NKPD1: variants seen among roughly 807,000 people sequenced by gnomAD.
The protein encoded by NKPD1 is NTPase KAP family P-loop domain containing 1.
NKPD1 carries 37 observed loss-of-function variants against 42.2 expected under a neutral mutation model. The ratio of observed to expected loss-of-function variants is 0.88; its 90% CI spans 0.67 to 1.15. The LOEUF is 1.15. NKPD1 is among the 50% of genes most tolerant of loss of function. The pLI, the probability that NKPD1 is intolerant of heterozygous loss-of-function variation, is 0.00. For synonymous variants in NKPD1, 552 were observed against 536.5 expected, an observed-to-expected ratio of 1.03 and a Z score of -0.40; for missense variants, 1,113 against 1,174.6, an observed-to-expected ratio of 0.95 and a Z score of 0.77.
At chr19:45,153,923 A>G (rs1001634860) in intron 4 of NKPD1, 148 bp from the exon 5 acceptor site, 3 of 774,958 alleles carry the variant, frequency 3.9e-6, no homozygotes, top group East Asian at 3.3e-5. Flanking sequence ...CGCTCCTTAA[A>G]GAGCTGGAAG....
rs1024381499 is a variant in NKPD1, at chr19:45,158,757, G to A, written c.435C>T (p.Ser145=). The A allele has an allele frequency of 6.3e-5, 77 of 1,220,942 alleles. No individual in the cohort carries two copies. The highest frequency in any genetic ancestry group is 3.5e-4 in the Middle Eastern group (1 of 2,884). 75.6% of individuals were successfully genotyped at this position (1,220,942 alleles called of 1,614,324 possible). A position where few individuals can be genotyped will look rare whatever the true frequency, so the allele number is the denominator to read the frequency against. Residue 145 remains serine, a synonymous_variant, in exon 3 of 5, where the codon TCC becomes TCT. Coordinates refer to ENST00000686631, the MANE Select transcript of NKPD1 (RefSeq NM_198478.4). This position sits in a 1 kb window ranked among gnomAD's most constrained non-coding sequence, Gnocchi z 4.6. ...TGGGCTTCAGGAGGACGCCAGCCGC[G>A]GAGGGTAGAGCTGGGCCACTCCTGG... is the stretch of plus-strand genomic sequence containing the variant. ...AMARSGPALP[S]AAGVLLKPSE... is the part of the protein sequence containing the mutation.
At position 45,152,176 on chromosome 19, in the gene NKPD1, A is replaced by C; in HGVS notation, c.2261T>G (p.Met754Arg). The C allele has an allele frequency of 6.3e-7, 1 of 1,595,474 alleles. No homozygotes were observed. Among genetic ancestry groups the C allele is most frequent in the South Asian group, 1.1e-5 (1 of 89,166 alleles). Reference protein sequence around the residue: ...VNLDHSIRRRMGLIRAVSALK... With the variant: ...VNLDHSIRRRRGLIRAVSALK... ...CGCGCTGACGGCTCGGATGAGACCC[A>C]TGCGCCGGCGGATGGAGTGGTCCAG... Residue 754 changes from methionine to arginine, a missense_variant, in exon 5 of 5, where the codon ATG becomes AGG. Physicochemically the swap from Met to Arg is moderately conservative, Grantham distance 91 (BLOSUM62 -1). Coordinates refer to ENST00000686631, the MANE Select transcript of NKPD1 (RefSeq NM_198478.4).
At position 45,152,397 on chromosome 19, in the gene NKPD1, G is replaced by T; in HGVS notation, c.2040C>A (p.Thr680=). 1 of 1,576,776 alleles carries T rather than the reference G, an allele frequency of 6.3e-7. No individual in the cohort carries two copies. The highest frequency in any genetic ancestry group is 8.6e-7 in the Non-Finnish European group (1 of 1,163,062). ...ALQCLEDRQQ[T]GGAPEGRARL... ...GCGCGCGGCCCTCGGGCGCGCCCCC[G>T]GTCTGCTGCCGGTCCTCCAGGCACT... Residue 680 remains threonine (T), a synonymous_variant, in exon 5 of 5, where the codon ACC becomes ACA. Transcript: ENST00000686631.
intron 3 of NKPD1, among the ~76,000 whole-genome samples, chr19:45,157,170 C>T (rs550047837): frequency 7.2e-5 from 11 of 152,336 alleles, no homozygotes; most frequent in East Asian, 1.9e-4. Context: ...CACCTGCTTC[C>T]GTCCTCCTCC....
Position 45,158,906 on chromosome 19 carries a change from G to C in NKPD1, c.286C>G (p.Leu96Val). Residue 96 changes from leucine (L) to valine (V), a missense_variant, in exon 3 of 5, where the codon CTG becomes GTG. By Grantham distance (32) the Leu-to-Val change is conservative. Coordinates refer to ENST00000686631, the MANE Select transcript of NKPD1 (RefSeq NM_198478.4). The surrounding 1 kb of genome is among the most constrained non-coding windows in gnomAD (Gnocchi z 4.6). ...PQSQPSPPSP[L>V]RQRLCPIHEA... is the part of the protein sequence containing the mutation. ...TGAATGGGGCAGAGCCGCTGCCGCA[G>C]GGGGCTGGGAGGTGAGGGCTGGGAC... The C allele has an allele frequency of 7.7e-7, 1 of 1,293,962 alleles. No individual in the cohort carries two copies. The highest frequency in any genetic ancestry group is 1.0e-6 in the Non-Finnish European group (1 of 983,978). 80.2% of individuals were successfully genotyped at this position (1,293,962 alleles called of 1,614,324 possible).
Position 45,158,154 on chromosome 19 carries a change from G to A in NKPD1, c.529+509C>T, listed in dbSNP as rs540490076. Among the ~76,000 whole-genome samples the A allele has an allele frequency of 3.3e-5, 5 of 152,228 alleles. No homozygotes were observed. Among genetic ancestry groups the A allele is most frequent in the Admixed American group, 2.0e-4 (3 of 15,282 alleles). ...GTGCCCCTAGAACAGGGTCTGGCAC[G>A]CTCAGGGTGCTGGATACCTAGTCAT... On this transcript the variant is annotated intron_variant, in intron 3 of 4. Coordinates refer to ENST00000686631, the MANE Select transcript of NKPD1 (RefSeq NM_198478.4). This position sits in a 1 kb window ranked among gnomAD's most constrained non-coding sequence, Gnocchi z 4.6.
intron 4 of NKPD1, among the ~76,000 whole-genome samples, chr19:45,154,505 CAGG>C (rs1968864485): frequency 6.6e-6 from 1 of 152,208 alleles, no homozygotes; most frequent in Admixed American, 6.5e-5. Context: ...CAGCACCCAG[CAGG>C]AGGAGTAGGG....
At chr19:45,155,639 C>T (rs948095173) in intron 4 of NKPD1, 146 bp downstream of exon 4, 9 of 717,162 alleles carry the variant, frequency 1.3e-5, no homozygotes, top group Non-Finnish European at 1.8e-5. Context: ...AAGCAGAGCC[C>T]GGGGTAGAGG....
At position 45,159,247 on chromosome 19, in the gene NKPD1, C is replaced by A. The variant is rs888342924; in HGVS notation, c.92-147G>T. 9 of 726,358 alleles carry A rather than the reference C, an allele frequency of 1.2e-5. No individual in the cohort carries two copies. The African/African-American group carries it at 1.7e-4, about 14-fold the overall frequency. 45.0% of individuals were successfully genotyped at this position (726,358 alleles called of 1,614,324 possible). ...ACCCCTCAAAAAGTAAGATTATGTG[C>A]GGGGGAGGTATGGGCAGGGGAGGGA... On this transcript the variant is annotated intron_variant, in intron 2 of 4. Coordinates refer to ENST00000686631, the MANE Select transcript of NKPD1 (RefSeq NM_198478.4).
At position 45,159,041 on chromosome 19, in the gene NKPD1, G is replaced by A. The variant is rs1473418034; in HGVS notation, c.151C>T (p.Pro51Ser). ...AALRAHGPCR[P>S]SPQSHWQLAY... is the part of the protein sequence containing the mutation. Reference sequence around the variant, plus strand: ...AGCTGCCAGTGTGATTGGGGGGAAGGCCGACAGGGCCCATGGGCTCGGAGG... The same window carrying A: ...AGCTGCCAGTGTGATTGGGGGGAAGACCGACAGGGCCCATGGGCTCGGAGG... Residue 51 changes from proline to serine, a missense_variant, in exon 3 of 5, where the codon CCT becomes TCT. By Grantham distance (74) the Pro-to-Ser change is moderately conservative. This residue lies in a region of NKPD1 where 204 missense variants were observed against 227.8 expected (regional missense o/e 0.90). Transcript: ENST00000686631. 7.7e-7 allele frequency: 1 copy of A among 1,300,702 alleles called. No homozygotes were observed. Among genetic ancestry groups the A allele is most frequent in the Non-Finnish European group, 1.0e-6 (1 of 988,040 alleles). 80.6% of individuals were successfully genotyped at this position (1,300,702 alleles called of 1,614,324 possible). A position where few individuals can be genotyped will look rare whatever the true frequency, so the allele number is the denominator to read the frequency against.
chr19:45,152,925 G>T lies in NKPD1; in HGVS notation c.1512C>A (p.Ser504Arg). 1 of 1,579,848 alleles carries T rather than the reference G, an allele frequency of 6.3e-7. No homozygotes were observed. Among genetic ancestry groups the T allele is most frequent in the Non-Finnish European group, 8.6e-7 (1 of 1,160,938 alleles). The change falls in exon 5 of 5, where the codon AGC becomes AGA. Residue 504 changes from serine to arginine, a missense_variant. This residue lies in a region of NKPD1 where 867 missense variants were observed against 870.1 expected (regional missense o/e 1.00). Transcript: ENST00000686631. ...DPSILAACLESAGNMKGTADN... is the reference protein window; with the variant it reads ...DPSILAACLERAGNMKGTADN... ...CGGCCGTGCCCTTCATGTTGCCCGC[G>T]CTCTCTAGGCACGCGGCCAGGATGC... is the stretch of plus-strand genomic sequence containing the variant.
upstream of NKPD1, among the ~76,000 whole-genome samples, chr19:45,162,349 C>T (rs1458488038): frequency 6.6e-6 from 1 of 152,194 alleles, no homozygotes; most frequent in African/African-American, 2.4e-5. Flanking sequence ...CTGGACCCCA[C>T]TCTACAGGGG....
chr19:45,161,700 G>A (rs1161175314), upstream of NKPD1, among the ~76,000 whole-genome samples: 6 of 152,216 alleles, frequency 3.9e-5, no homozygotes, highest in African/African-American at 1.4e-4. Flanking sequence ...CTCAGTGACT[G>A]CCTCCCCACA....
At chr19:45,161,410 G>A (rs1490537308), upstream of NKPD1, among the ~76,000 whole-genome samples, 1 of 152,200 alleles carries the variant, frequency 6.6e-6, no homozygotes, top group Non-Finnish European at 1.5e-5. Flanking sequence ...CCTGACCCGG[G>A]GCTGTGCTGA....
At chr19:45,156,067 G>T (rs966322552) in intron 3 of NKPD1, among the ~76,000 whole-genome samples, 151 bp from the exon 4 acceptor site, 10 of 152,154 alleles carry the variant, frequency 6.6e-5, no homozygotes, top group African/African-American at 2.4e-4. Context: ...GGTTTCTGTG[G>T]CCATCAGTGG....
chr19:45,151,987 ACCGGCCATAG>A lies in NKPD1; in HGVS notation c.2440_2449del (p.Leu814TrpfsTer59), dbSNP rs1968786212. 6.2e-7 allele frequency: 1 copy of A among 1,605,680 alleles called. No homozygotes were observed. The highest frequency in any genetic ancestry group is 8.5e-7 in the Non-Finnish European group (1 of 1,175,264). ...CCCTGGACGGAAGAGCGCACAGGCC[ACCGGCCATAG>A]CTTGCCCCTGTGGGCCAAGTCCCCA... On this transcript the variant is annotated frameshift_variant, in exon 5 of 5. Coordinates refer to ENST00000686631, the MANE Select transcript of NKPD1 (RefSeq NM_198478.4). LOFTEE classifies it low-confidence loss of function (END_TRUNC).
rs1357795335 is a variant in NKPD1 at position 45,152,204 on chromosome 19, T to C, written c.2233A>G (p.Asn745Asp). Residue 745 changes from asparagine (N) to aspartate (D), a missense_variant, in exon 5 of 5, where the codon AAC (asparagine) becomes GAC (aspartate). Coordinates refer to ENST00000686631, the MANE Select transcript of NKPD1 (RefSeq NM_198478.4). ...EAQSLLRCTV[N>D]LDHSIRRRMG... ...CGCCGGCGGATGGAGTGGTCCAGGT[T>C]GACCGTGCAGCGCAGCAGGCTCTGC... 1 of 1,598,940 alleles carries C rather than the reference T, an allele frequency of 6.3e-7. No individual in the cohort carries two copies. Among genetic ancestry groups the C allele is most frequent in the Non-Finnish European group, 8.5e-7 (1 of 1,174,230 alleles).
rs548731664 is a variant in NKPD1, at chr19:45,155,122, C to A, written c.661+663G>T. ...ATCACATGAGGTCAAGAGATCGAGACCATCTGGCCAACATGGTAAAACCCC... is the reference window on the plus strand; with the variant it reads ...ATCACATGAGGTCAAGAGATCGAGAACATCTGGCCAACATGGTAAAACCCC... On this transcript the variant is annotated intron_variant, in intron 4 of 4. Transcript: ENST00000686631. 2.0e-5 allele frequency among the ~76,000 whole-genome samples: 3 copies of A among 150,486 alleles called. No individual in the cohort carries two copies. In the East Asian group the frequency reaches 5.9e-4, roughly 29 times the overall value.
chr19:45,159,242 A>C, intron 2 of NKPD1, 142 bp from the exon 3 acceptor site: 11 of 750,406 alleles, frequency 1.5e-5, no homozygotes, highest in Non-Finnish European at 1.6e-5. Context: ...AAGTAAGATT[A>C]TGTGCGGGGG....
Sources: allele counts gnomAD v4.1 joint callset (sites outside exome capture counted in the v4.1 genomes callset), GRCh38; gene constraint gnomAD v4.1.1; regional missense constraint gnomAD v4.1.1; non-coding constraint Gnocchi (gnomAD v3.1); transcripts MANE v1.5; gene names NCBI Gene and HGNC (gene_info 2026-07-23, HGNC 2026-07-21).